The following GPC5 variants were observed in gnomAD, a reference collection of about 807,000 sequenced individuals.
GPC5 encodes glypican-5.
GPC5 carries 47 observed loss-of-function variants against 53.9 expected under a neutral mutation model. That is an observed-to-expected ratio of 0.87 (90% confidence interval 0.69 to 1.11). GPC5 has a LOEUF of 1.11. Ranked by LOEUF, GPC5 falls within the 50% of genes most tolerant of loss-of-function variation. The pLI is 0.00. For missense variants in GPC5, 748 were observed against 713.1 expected, an observed-to-expected ratio of 1.05 and a Z score of -0.56; for synonymous variants, 286 against 263.3, an observed-to-expected ratio of 1.09 and a Z score of -0.84.
At chr13:91,475,148 C>T (rs1882858146) in intron 2 of GPC5, among the ~76,000 whole-genome samples, 1 of 152,112 alleles carries the variant, frequency 6.6e-6, no homozygotes, top group African/African-American at 2.4e-5. Flanking sequence ...AAGCACATGC[C>T]AGCTGTTGCT....
At chr13:91,793,729 A>C (rs2038004819) in intron 5 of GPC5, among the ~76,000 whole-genome samples, 1 of 152,128 alleles carries the variant, frequency 6.6e-6, no homozygotes, top group Non-Finnish European at 1.5e-5. Flanking sequence ...TCATGGGGGA[A>C]GGCAAAGGAG....
chr13:91,973,229 A>C (rs955579712), intron 6 of GPC5, among the ~76,000 whole-genome samples: 2 of 151,904 alleles, frequency 1.3e-5, no homozygotes, highest in Non-Finnish European at 2.9e-5. Context: ...GTCTTCCATC[A>C]CTGATACCCT....
chr13:91,432,203 CTGTGTGTGTG>C (rs757953581), intron 1 of GPC5, among the ~76,000 whole-genome samples: 173 of 136,412 alleles, frequency 1.3e-3, no homozygotes, highest in African/African-American at 3.8e-3. Context: ...GCTGCTGCTG[CTGTGTGTGTG>C]TGTGTGTGTG....
intron 6 of GPC5, among the ~76,000 whole-genome samples, chr13:91,968,203 C>G (rs922863117): frequency 3.9e-5 from 6 of 152,038 alleles, no homozygotes; most frequent in African/African-American, 1.4e-4. Flanking sequence ...TTTTCTCATT[C>G]CAAAAGCAAA....
At chr13:92,746,030 A>T (rs1295830360) in intron 7 of GPC5, among the ~76,000 whole-genome samples, 1 of 152,102 alleles carries the variant, frequency 6.6e-6, no homozygotes, top group East Asian at 1.9e-4. Flanking sequence ...TCAATTAGCT[A>T]TATCTAATCA....
intron 7 of GPC5, among the ~76,000 whole-genome samples, chr13:92,331,563 G>C (rs781477796): frequency 2.4e-4 from 37 of 152,138 alleles, no homozygotes; most frequent in Non-Finnish European, 4.7e-4. Flanking sequence ...AACACTGGCA[G>C]TGTTAATAAC....
At chr13:92,054,951 A>G (rs1011837098) in intron 6 of GPC5, among the ~76,000 whole-genome samples, 3 of 152,178 alleles carry the variant, frequency 2.0e-5, no homozygotes, top group African/African-American at 7.2e-5. Flanking sequence ...CATAAAGTTA[A>G]TTTTCTGTCT....
intron 6 of GPC5, among the ~76,000 whole-genome samples, chr13:92,090,338 G>A (rs2041369953): frequency 6.6e-6 from 1 of 152,124 alleles, no homozygotes; most frequent in Non-Finnish European, 1.5e-5. Flanking sequence ...CACCCAATAT[G>A]ATGATATTTG....
intron 5 of GPC5, among the ~76,000 whole-genome samples, chr13:91,764,977 G>A (rs973521821): frequency 7.9e-5 from 12 of 152,170 alleles, no homozygotes; most frequent in African/African-American, 2.2e-4. Flanking sequence ...TGATGGTAAT[G>A]TTTTGGCCTC....
intron 7 of GPC5, chr13:92,446,483 A>G (rs1012015111): frequency 6.6e-6 from 1 of 150,976 alleles, no homozygotes; most frequent in Non-Finnish European, 1.5e-5. Context: ...ATGGCTAGAT[A>G]GTGCTCCATT....
chr13:91,507,112 A>G (rs1209648062), intron 2 of GPC5, among the ~76,000 whole-genome samples: 1 of 152,114 alleles, frequency 6.6e-6, no homozygotes, highest in Non-Finnish European at 1.5e-5. Flanking sequence ...TGAGTGGCTT[A>G]TAAACAACAC....
chr13:92,229,304 A>C (rs1388870809), intron 7 of GPC5, among the ~76,000 whole-genome samples: 1 of 152,108 alleles, frequency 6.6e-6, no homozygotes, highest in Non-Finnish European at 1.5e-5. Flanking sequence ...TACTGTATTG[A>C]TGAGAAAAGG....
chr13:92,601,426 G>C (rs554620819), intron 7 of GPC5, among the ~76,000 whole-genome samples: 4 of 151,784 alleles, frequency 2.6e-5, no homozygotes, highest in African/African-American at 7.2e-5. Context: ...ATGGTGGTAG[G>C]TGCCTGTAGT....
intron 7 of GPC5, among the ~76,000 whole-genome samples, chr13:92,752,581 G>T (rs1163236501): frequency 6.6e-6 from 1 of 152,130 alleles, no homozygotes; most frequent in Admixed American, 6.5e-5. Context: ...GAGGTACCGG[G>T]TTCATCTCAC....
intron 2 of GPC5, among the ~76,000 whole-genome samples, chr13:91,503,780 A>AGATAATGATAAT (rs1555316223): frequency 1.6e-4 from 21 of 132,882 alleles, no homozygotes; most frequent in African/African-American, 5.7e-4. Context: ...CTCTGTCTCA[A>AGATAATGATAAT]AATAATAATA....
intron 2 of GPC5, among the ~76,000 whole-genome samples, chr13:91,461,813 A>T (rs905559114): frequency 1.3e-5 from 2 of 152,092 alleles, no homozygotes; most frequent in Admixed American, 1.3e-4. Context: ...AGGCAGAAGA[A>T]GGGTGTTGGT....
At chr13:91,467,945 C>T (rs967067691) in intron 2 of GPC5, among the ~76,000 whole-genome samples, 2 of 152,140 alleles carry the variant, frequency 1.3e-5, no homozygotes, top group Admixed American at 1.3e-4. Context: ...GCCAGGTTTA[C>T]TGCAGTTATG....
rs188071246 is a variant in GPC5, at chr13:92,559,178, G to A, written c.1562-307104G>A. Among the ~76,000 whole-genome samples the A allele has an allele frequency of 1.3e-4, 20 of 151,964 alleles. No individual in the cohort carries two copies. In the East Asian group the frequency reaches 3.5e-3, roughly 27 times the overall value. ...ATGAAAGGGACAACTTCAACATGAT[G>A]TCTTTAAGGAGGTGGAGATTCCTTA... is the stretch of plus-strand genomic sequence containing the variant. On this transcript the variant is annotated intron_variant, in intron 7 of 7. Transcript: ENST00000377067.
At chr13:91,580,311 A>T (rs1295076112) in intron 2 of GPC5, among the ~76,000 whole-genome samples, 1 of 152,184 alleles carries the variant, frequency 6.6e-6, no homozygotes, top group Non-Finnish European at 1.5e-5. Context: ...TGGCCTCCCA[A>T]AGTGCTGGGA....
Sources: allele counts gnomAD v4.1 joint callset (sites outside exome capture counted in the v4.1 genomes callset), GRCh38; gene constraint gnomAD v4.1.1; transcripts MANE v1.5; gene names NCBI Gene and HGNC (gene_info 2026-07-23, HGNC 2026-07-21).